The following SYK variants were observed in gnomAD, a reference collection of about 807,000 sequenced individuals.
SYK encodes tyrosine-protein kinase SYK.
In SYK, 16 loss-of-function variants were observed where a neutral mutation model predicts 77.8. The ratio of observed to expected loss-of-function variants is 0.21; its 90% CI spans 0.14 to 0.31. The LOEUF is 0.31. Ranked by LOEUF, SYK falls within the 10% of genes least tolerant of loss-of-function variation. The probability of loss-of-function intolerance (pLI) is 1.00; values close to 1 mark genes in which losing one functional copy is unlikely to be tolerated. For missense variants in SYK, 529 were observed against 814.4 expected, an observed-to-expected ratio of 0.65 and a Z score of 4.26; for synonymous variants, 312 against 308.7, an observed-to-expected ratio of 1.01 and a Z score of -0.11.
intron 11 of SYK, among the ~76,000 whole-genome samples, chr9:90,883,957 C>G (rs1166504416): frequency 2.6e-5 from 4 of 152,138 alleles, no homozygotes; most frequent in African/African-American, 9.7e-5. Flanking sequence ...CCACTGGGGT[C>G]TGAAGACTGG....
At chr9:90,872,044 C>T (rs141331827) in intron 7 of SYK, among the ~76,000 whole-genome samples, 111 of 152,296 alleles carry the variant, frequency 7.3e-4, no homozygotes, top group Admixed American at 1.5e-3. Flanking sequence ...CTGTGTCCAT[C>T]GCTACTAATT....
chr9:90,805,058 A>C (rs1824764828), intron 1 of SYK, among the ~76,000 whole-genome samples: 1 of 152,240 alleles, frequency 6.6e-6, no homozygotes. Flanking sequence ...CCAAGACCAA[A>C]GATATGCAAA....
intron 1 of SYK, among the ~76,000 whole-genome samples, chr9:90,806,798 C>T (rs1487558192): frequency 2.0e-5 from 3 of 149,614 alleles, no homozygotes; most frequent in Non-Finnish European, 4.5e-5. Flanking sequence ...GTTTTTAACT[C>T]CACTTTAACA....
At chr9:90,851,218 C>T (rs1390203221) in intron 3 of SYK, among the ~76,000 whole-genome samples, 1 of 152,106 alleles carries the variant, frequency 6.6e-6, no homozygotes, top group Non-Finnish European at 1.5e-5. Context: ...AACCACAGGC[C>T]CCTCCCTATT....
intron 1 of SYK, among the ~76,000 whole-genome samples, chr9:90,812,764 TGTGTGTGTGTGTGTGAGAGAGA>T (rs1263439879): frequency 2.2e-5 from 2 of 89,288 alleles, no homozygotes; most frequent in East Asian, 7.4e-4. Context: ...TGTGTGTGTG[TGTGTGTGTGTGTGTGAGAGAGA>T]GAGATTGAGA....
intron 4 of SYK, among the ~76,000 whole-genome samples, chr9:90,863,179 G>GT (rs1441954058): frequency 2.6e-5 from 4 of 152,060 alleles, no homozygotes; most frequent in African/African-American, 9.7e-5. Flanking sequence ...GGAAATAACC[G>GT]TAACAGTACT....
At chr9:90,834,853 A>G (rs558586114) in intron 1 of SYK, among the ~76,000 whole-genome samples, 1 of 152,308 alleles carries the variant, frequency 6.6e-6, no homozygotes, top group African/African-American at 2.4e-5. Context: ...AAGCCAAAAG[A>G]TTGGACACCC....
intron 1 of SYK, among the ~76,000 whole-genome samples, chr9:90,816,735 CTCTGTT>C (rs1473845023): frequency 6.6e-6 from 1 of 152,154 alleles, no homozygotes; most frequent in Admixed American, 6.5e-5. Context: ...CTATTTTGTT[CTCTGTT>C]TCTATGAGTT....
intron 1 of SYK, among the ~76,000 whole-genome samples, chr9:90,831,062 T>A (rs1339254585): frequency 6.6e-6 from 1 of 152,224 alleles, no homozygotes; most frequent in Non-Finnish European, 1.5e-5. Context: ...TGCACTATGC[T>A]GATTTTTGTT....
chr9:90,844,549 C>T (rs12555502), intron 2 of SYK, among the ~76,000 whole-genome samples: 24,425 of 152,268 alleles, frequency 0.16, 2,198 homozygotes, highest in Middle Eastern at 0.24. Flanking sequence ...GGTTTCTCCA[C>T]AGCAGGGAAC....
intron 3 of SYK, among the ~76,000 whole-genome samples, chr9:90,859,821 CAT>C: frequency 6.6e-6 from 1 of 152,294 alleles, no homozygotes; most frequent in East Asian, 1.9e-4. Context: ...GGTCTTCATT[CAT>C]GTTTGCCAGA....
In SYK at chr9:90,874,855, T is replaced by A. The variant is rs763293878; in HGVS notation, c.1181+6T>A. On this transcript the variant is annotated splice_donor_region_variant and intron_variant, in intron 9 of 13. Transcript: ENST00000375754. ...GGCTACTACCAAATGAAAAAGTAAG[T>A]TGCTATGTTCCACCAGCCTCACCCT... 5 of 1,613,862 alleles carry A rather than the reference T, an allele frequency of 3.1e-6. No homozygotes were observed. The highest frequency in any genetic ancestry group is 3.4e-6 in the Non-Finnish European group (4 of 1,179,830).
intron 1 of SYK, among the ~76,000 whole-genome samples, chr9:90,843,607 C>G (rs1017459015): frequency 3.3e-5 from 5 of 152,004 alleles, no homozygotes; most frequent in Admixed American, 3.3e-4. Flanking sequence ...CCACTCCCCC[C>G]AAAAAAGAAT....
intron 4 of SYK, among the ~76,000 whole-genome samples, chr9:90,864,331 A>G (rs1389014880): frequency 2.0e-5 from 3 of 152,226 alleles, no homozygotes; most frequent in Non-Finnish European, 4.4e-5. Flanking sequence ...CAGATACGGT[A>G]TGAGGCCCAC....
intron 1 of SYK, among the ~76,000 whole-genome samples, chr9:90,834,362 A>G (rs959547555): frequency 2.6e-4 from 40 of 152,100 alleles, no homozygotes; most frequent in African/African-American, 9.7e-4. Flanking sequence ...CTCCCCACTC[A>G]TGACTGAAAT....
At chr9:90,873,904 G>A (rs1827829995) in intron 7 of SYK, among the ~76,000 whole-genome samples, 1 of 152,116 alleles carries the variant, frequency 6.6e-6, no homozygotes, top group Non-Finnish European at 1.5e-5. Context: ...TGTGCAAGGG[G>A]GTGAGTGGGG....
At chr9:90,844,353 G>T (rs1286496330) in intron 2 of SYK, 38 bp downstream of exon 2, 5 of 1,516,360 alleles carry the variant, frequency 3.3e-6, no homozygotes, top group East Asian at 2.3e-5. Flanking sequence ...GGCCCAGGGG[G>T]CCCTGTGACC....
intron 1 of SYK, among the ~76,000 whole-genome samples, chr9:90,819,809 C>G (rs1587817626): frequency 6.6e-6 from 1 of 152,276 alleles, no homozygotes; most frequent in South Asian, 2.1e-4. Context: ...AAAGTCTTAA[C>G]TCATTTCAGC....
At chr9:90,850,099 T>A (rs749142837) in intron 3 of SYK, among the ~76,000 whole-genome samples, 11 of 152,242 alleles carry the variant, frequency 7.2e-5, no homozygotes, top group Non-Finnish European at 1.5e-4. Flanking sequence ...TCCCTTCTCT[T>A]CTTCAGTCTG....
Sources: gnomAD v4.1 joint callset for allele counts (sites outside exome capture counted in the v4.1 genomes callset) on GRCh38, gnomAD v4.1.1 for gene constraint, MANE v1.5 for transcripts, NCBI Gene and HGNC (gene_info 2026-07-23, HGNC 2026-07-21) for gene names.